The following PCDH15 variants were observed in gnomAD, a reference collection of about 807,000 sequenced individuals.
The protein encoded by PCDH15 is protocadherin related 15, also known as protocadherin-15.
Under a neutral mutation model 178.5 loss-of-function variants are expected in PCDH15, and 129 were observed. The observed-to-expected ratio is 0.72, with a 90% CI of 0.63 to 0.84. The LOEUF (loss-of-function observed/expected upper bound fraction) is 0.84. PCDH15 is among the 40% of genes least tolerant of loss of function. PCDH15 has a pLI of 0.00. For missense variants in PCDH15, 2,230 were observed against 2,099.9 expected (o/e 1.06, Z -1.21); for synonymous variants, 800 against 732.0 (o/e 1.09, Z -1.50).
intron 13 of PCDH15, among the ~76,000 whole-genome samples, chr10:54,175,511 C>T (rs547706629): frequency 2.0e-5 from 3 of 152,300 alleles, no homozygotes; most frequent in South Asian, 2.1e-4. Context: ...CAAGTTACCA[C>T]ATGCAGCATT....
intron 21 of PCDH15, among the ~76,000 whole-genome samples, chr10:53,968,826 T>C (rs541796517): frequency 2.4e-4 from 37 of 151,996 alleles, no homozygotes; most frequent in African/African-American, 8.4e-4. Context: ...ACAGAAAGGA[T>C]ATCCACACCA....
chr10:55,267,842 G>A (rs1378812681), intron 1 of PCDH15, among the ~76,000 whole-genome samples: 1 of 152,146 alleles, frequency 6.6e-6, no homozygotes, highest in Non-Finnish European at 1.5e-5. Flanking sequence ...AAGAAAGTAT[G>A]AGACAGGTTC....
At chr10:54,769,096 A>G (rs1342447030) in intron 1 of PCDH15, among the ~76,000 whole-genome samples, 1 of 152,160 alleles carries the variant, frequency 6.6e-6, no homozygotes, top group Non-Finnish European at 1.5e-5. Context: ...TATATAATAT[A>G]TCAGATTTCA....
chr10:54,317,215 A>C lies in PCDH15; in HGVS notation c.876+56T>G, dbSNP rs10763098. On this transcript the variant is annotated intron_variant, in intron 8 of 37. Transcript: ENST00000644397. ...TATGTCTACAAAATACTTGAACATG[A>C]TCCCATTGGGTTTTAAAACATGCAA... 740,465 of 1,545,908 alleles carry C rather than the reference A, an allele frequency of 0.48. 183,665 individuals are homozygous for C. Among genetic ancestry groups the C allele is most frequent in the Middle Eastern group, 0.54 (3,198 of 5,912 alleles).
intron 1 of PCDH15, among the ~76,000 whole-genome samples, chr10:55,209,513 A>G (rs1840502136): frequency 6.6e-6 from 1 of 151,994 alleles, no homozygotes; most frequent in South Asian, 2.1e-4. Flanking sequence ...GACGTGAGGA[A>G]AAGTGGACAA....
chr10:54,347,654 T>A (rs1300942020), intron 5 of PCDH15, among the ~76,000 whole-genome samples: 3 of 151,876 alleles, frequency 2.0e-5, no homozygotes, highest in African/African-American at 4.8e-5. Flanking sequence ...GAAGCAAGCA[T>A]GATGAGACGG....
At chr10:55,240,981 C>A (rs866958050) in intron 1 of PCDH15, among the ~76,000 whole-genome samples, 2 of 152,240 alleles carry the variant, frequency 1.3e-5, no homozygotes, top group Middle Eastern at 3.4e-3. Context: ...TTTTGGGAGG[C>A]CAAGGCGGGC....
chr10:54,813,660 C>G (rs547224651), intron 3 of PCDH15, among the ~76,000 whole-genome samples: 4 of 152,194 alleles, frequency 2.6e-5, no homozygotes, highest in Non-Finnish European at 5.9e-5. Flanking sequence ...CTGTGTACCA[C>G]AATCATTGTT....
rs575215229 is a variant in PCDH15 at position 55,350,403 on chromosome 10, T to G, written c.-155-183752A>C. On this transcript the variant is annotated intron_variant, in intron 2 of 5. Transcript: ENST00000613346. ...CGAATGGGTACTTTAGAATAATGAC[T>G]AATTTTCAAAATCCTTTTTTTCTTA... Among the ~76,000 whole-genome samples the G allele has an allele frequency of 2.6e-5, 4 of 151,550 alleles. No individual in the cohort carries two copies. The East Asian group carries it at 7.8e-4, about 30-fold the overall frequency.
At chr10:54,444,297 G>T (rs552462653) in intron 3 of PCDH15, among the ~76,000 whole-genome samples, 8 of 151,618 alleles carry the variant, frequency 5.3e-5, no homozygotes, top group Admixed American at 2.6e-4. Context: ...ACATGATTCC[G>T]GGGAGGAGCA....
chr10:54,987,552 G>A (rs1487912688), intron 2 of PCDH15, among the ~76,000 whole-genome samples: 1 of 152,028 alleles, frequency 6.6e-6, no homozygotes, highest in Non-Finnish European at 1.5e-5. Flanking sequence ...TTTAGTGATT[G>A]CTATTCTGAC....
intron 3 of PCDH15, among the ~76,000 whole-genome samples, chr10:54,839,965 C>T (rs1953388654): frequency 6.6e-6 from 1 of 152,048 alleles, no homozygotes; most frequent in African/African-American, 2.4e-5. Context: ...AGACCAAACA[C>T]ACTATCAAAC....
intron 3 of PCDH15, among the ~76,000 whole-genome samples, chr10:54,526,401 T>A (rs2083366510): frequency 6.6e-6 from 1 of 152,206 alleles, no homozygotes; most frequent in African/African-American, 2.4e-5. Context: ...TTATTTCTGG[T>A]TAAAAAGGTT....
At chr10:53,932,025 A>C (rs1205643836) in intron 25 of PCDH15, among the ~76,000 whole-genome samples, 1 of 152,180 alleles carries the variant, frequency 6.6e-6, no homozygotes, top group Non-Finnish European at 1.5e-5. Context: ...CGAAGTTCCT[A>C]CTTCAATATT....
At chr10:55,347,928 A>G (rs1375357700) in intron 2 of PCDH15, among the ~76,000 whole-genome samples, 2 of 151,990 alleles carry the variant, frequency 1.3e-5, no homozygotes, top group African/African-American at 4.8e-5. Flanking sequence ...TTTATTTATA[A>G]TATTATAATT....
intron 2 of PCDH15, among the ~76,000 whole-genome samples, chr10:54,593,978 T>C (rs1020018110): frequency 2.0e-5 from 3 of 150,658 alleles, no homozygotes; most frequent in Admixed American, 6.7e-5. Context: ...AGGGAAGGCA[T>C]TGAGAGCAGA....
intron 3 of PCDH15, among the ~76,000 whole-genome samples, chr10:54,424,433 T>C (rs1391430346): frequency 6.6e-6 from 1 of 151,962 alleles, no homozygotes; most frequent in East Asian, 1.9e-4. Context: ...AGTTCAACCA[T>C]TGTGGAAGAC....
chr10:55,414,797 GTGTGTGTC>G (rs1244508807), intron 2 of PCDH15, among the ~76,000 whole-genome samples: 3 of 150,054 alleles, frequency 2.0e-5, no homozygotes, highest in Non-Finnish European at 3.0e-5. Context: ...GTGTGTGTGT[GTGTGTGTC>G]TGTGTGTGTG....
intron 1 of PCDH15, among the ~76,000 whole-genome samples, chr10:55,272,580 A>G (rs1049253673): frequency 1.2e-4 from 18 of 151,704 alleles, no homozygotes; most frequent in Admixed American, 1.2e-3. Context: ...ACGTGGTTTT[A>G]CCATACCGGC....
Sources: gnomAD v4.1 joint callset for allele counts (sites outside exome capture counted in the v4.1 genomes callset) on GRCh38, gnomAD v4.1.1 for gene constraint, MANE v1.5 for transcripts, NCBI Gene and HGNC (gene_info 2026-07-23, HGNC 2026-07-21) for gene names.